Variants in ESCO1 observed in about 807,000 individuals in gnomAD.
The protein encoded by ESCO1 is establishment of sister chromatid cohesion N-acetyltransferase 1.
Under a neutral mutation model 83.5 loss-of-function variants are expected in ESCO1, and 33 were observed. The observed-to-expected ratio is 0.40, with a 90% CI of 0.30 to 0.53. ESCO1 has a LOEUF of 0.53. Among genes scored for constraint, ESCO1 ranks in the 20% least tolerant of loss-of-function variants. The pLI is 0.63. For synonymous variants in ESCO1, 332 were observed against 324.3 expected, an observed-to-expected ratio of 1.02 and a Z score of -0.25; for missense variants, 855 against 968.0, an observed-to-expected ratio of 0.88 and a Z score of 1.55.
chr18:21,562,575 A>T (rs573084361), intron 7 of ESCO1, among the ~76,000 whole-genome samples: 24 of 151,976 alleles, frequency 1.6e-4, no homozygotes, highest in African/African-American at 5.5e-4. Context: ...TGGGAGGTTG[A>T]GGCTGCAAGT....
intron 9 of ESCO1, among the ~76,000 whole-genome samples, chr18:21,536,874 G>T (rs964773027): frequency 3.3e-5 from 5 of 152,052 alleles, no homozygotes; most frequent in Admixed American, 6.6e-5. Context: ...ACTCTCATCG[G>T]TAAAACAAAA....
At chr18:21,590,596 G>A (rs1311523058) in intron 1 of ESCO1, among the ~76,000 whole-genome samples, 4 of 151,882 alleles carry the variant, frequency 2.6e-5, no homozygotes, top group Admixed American at 1.3e-4. Flanking sequence ...AATTGAATTT[G>A]TATTTCAATT....
intron 8 of ESCO1, among the ~76,000 whole-genome samples, chr18:21,541,046 G>C (rs2037899126): frequency 6.6e-6 from 1 of 151,930 alleles, no homozygotes; most frequent in South Asian, 2.1e-4. Flanking sequence ...TTTTTGGAGG[G>C]GGAAGGTAGA....
Position 21,575,166 on chromosome 18 carries a change from T to C in ESCO1, c.-323A>G. The C allele has an allele frequency of 2.7e-6, 1 of 372,660 alleles. No homozygotes were observed. The allele number at this position is 372,660 out of a possible 1,614,324, so 23.1% of individuals were successfully genotyped here. ...AAATTTAATTCAGGTTCAATCTGTT[T>C]TGTTAATTTTTTAATTAATTTTGGT... On this transcript the variant is annotated 5_prime_UTR_variant, in exon 4 of 12. Coordinates refer to ENST00000269214, the MANE Select transcript of ESCO1 (RefSeq NM_052911.3).
intron 1 of ESCO1, among the ~76,000 whole-genome samples, chr18:21,594,139 C>T (rs1033904222): frequency 3.9e-5 from 6 of 152,168 alleles, no homozygotes; most frequent in African/African-American, 1.4e-4. Flanking sequence ...TACAAAATGT[C>T]TCCTCAGAGG....
intron 8 of ESCO1, among the ~76,000 whole-genome samples, chr18:21,543,785 C>T (rs1158138201): frequency 3.3e-5 from 5 of 151,974 alleles, no homozygotes; most frequent in Non-Finnish European, 5.9e-5. Context: ...CCAGGGAGAA[C>T]TTTGGGATTA....
chr18:21,581,283 T>G (rs767601844), intron 2 of ESCO1, among the ~76,000 whole-genome samples: 4 of 151,128 alleles, frequency 2.6e-5, no homozygotes, highest in Non-Finnish European at 5.9e-5. Context: ...ACTGCACCAC[T>G]GCACTCCAGC....
chr18:21,587,484 T>G (rs1156537795), intron 1 of ESCO1, among the ~76,000 whole-genome samples: 1 of 152,218 alleles, frequency 6.6e-6, no homozygotes, highest in Admixed American at 6.5e-5. Context: ...TAAGAACTTG[T>G]CTATTTTATC....
intron 6 of ESCO1, among the ~76,000 whole-genome samples, chr18:21,565,017 G>A (rs1351225609): frequency 2.6e-5 from 4 of 152,128 alleles, no homozygotes; most frequent in South Asian, 4.1e-4. Flanking sequence ...CGGAGGTTGC[G>A]GTGAGCCGAA....
chr18:21,536,459 T>C (rs1353637593), intron 9 of ESCO1, among the ~76,000 whole-genome samples: 1 of 151,870 alleles, frequency 6.6e-6, no homozygotes, highest in African/African-American at 2.4e-5. Flanking sequence ...GGTGCCGCAG[T>C]GTGCGCCTGT....
rs1170414455 is a variant in ESCO1 at position 21,575,326 on chromosome 18, G to A, written c.-483C>T. 2 of 396,778 alleles carry A rather than the reference G, an allele frequency of 5.0e-6. No homozygotes were observed. The highest frequency in any genetic ancestry group is 8.9e-6 in the Non-Finnish European group (2 of 224,966). 24.6% of individuals were successfully genotyped at this position (396,778 alleles called of 1,614,324 possible). ...TTGAAACATGTCTTATGGCTAACAC[G>A]TTTCTTTCCTTGTTTGCTGAGTCTG... On this transcript the variant is annotated 5_prime_UTR_variant, in exon 4 of 12. The change creates a new upstream start codon in the 5' untranslated region. Transcript: ENST00000269214.
chr18:21,595,366 A>G (rs1301383879), intron 1 of ESCO1, among the ~76,000 whole-genome samples: 1 of 129,742 alleles, frequency 7.7e-6, no homozygotes, highest in Middle Eastern at 3.8e-3. Flanking sequence ...CTCCGTCTCA[A>G]AAAAAAAAAA....
chr18:21,595,296 G>T (rs2038746080), intron 1 of ESCO1, among the ~76,000 whole-genome samples: 1 of 150,172 alleles, frequency 6.7e-6, no homozygotes, highest in East Asian at 1.9e-4. Context: ...ATAATACTTG[G>T]CCGGGCATGG....
intron 8 of ESCO1, among the ~76,000 whole-genome samples, chr18:21,550,247 T>C (rs1369975708): frequency 6.6e-6 from 1 of 152,226 alleles, no homozygotes; most frequent in Admixed American, 6.5e-5. Context: ...TTGGGAGAAC[T>C]GGGTCAGTTA....
intron 8 of ESCO1, among the ~76,000 whole-genome samples, chr18:21,545,433 C>G (rs2037961005): frequency 6.6e-6 from 1 of 151,042 alleles, no homozygotes; most frequent in African/African-American, 2.4e-5. Context: ...ATTAGCCAGG[C>G]TTGGTGGCGG....
intron 1 of ESCO1, among the ~76,000 whole-genome samples, chr18:21,600,268 G>A (rs8087264): frequency 0.99 from 150,994 of 152,372 alleles, 74,829 homozygotes; most frequent in East Asian, 1. Context: ...CAATGGCTGC[G>A]CGCCACCTCG....
At chr18:21,545,345 G>A (rs2037959678) in intron 8 of ESCO1, among the ~76,000 whole-genome samples, 1 of 152,044 alleles carries the variant, frequency 6.6e-6, no homozygotes, top group South Asian at 2.1e-4. Context: ...AGGCCAAGGT[G>A]GGAAGATCGC....
intron 4 of ESCO1, among the ~76,000 whole-genome samples, chr18:21,569,442 C>CA (rs1484995332): frequency 3.3e-5 from 5 of 151,764 alleles, no homozygotes; most frequent in African/African-American, 1.2e-4. Context: ...ACCAAAAATA[C>CA]AAAAAAATTA....
chr18:21,544,726 T>G (rs947247788), intron 8 of ESCO1, among the ~76,000 whole-genome samples: 1 of 152,178 alleles, frequency 6.6e-6, no homozygotes, highest in Non-Finnish European at 1.5e-5. Flanking sequence ...GTTAGATGAT[T>G]ATCCATGAAT....
Sources: gnomAD v4.1 joint callset for allele counts (sites outside exome capture counted in the v4.1 genomes callset) on GRCh38, gnomAD v4.1.1 for gene constraint, MANE v1.5 for transcripts, NCBI Gene and HGNC (gene_info 2026-07-23, HGNC 2026-07-21) for gene names.